CTNNA2: variants seen among roughly 807,000 people sequenced by gnomAD.
CTNNA2 encodes catenin alpha 2, also known as catenin alpha-2.
In CTNNA2, 42 loss-of-function variants were observed where a neutral mutation model predicts 101.0. The observed-to-expected ratio is 0.42, with a 90% confidence interval of 0.32 to 0.54. CTNNA2 has a LOEUF of 0.54. Among genes scored for constraint, CTNNA2 ranks in the 20% least tolerant of loss-of-function variants. The pLI is 0.14. For synonymous variants in CTNNA2, 450 were observed against 456.4 expected, an observed-to-expected ratio of 0.99 and a Z score of 0.18; for missense variants, 871 against 1,223.1, an observed-to-expected ratio of 0.71 and a Z score of 4.29.
chr2:79,677,779 A>T (rs954946880), intron 2 of CTNNA2, among the ~76,000 whole-genome samples: 2 of 152,232 alleles, frequency 1.3e-5, no homozygotes, highest in African/African-American at 4.8e-5. Flanking sequence ...ATGTTAAAGA[A>T]TAAAGTAAGA....
chr2:79,636,601 T>C (rs1680086457), intron 1 of CTNNA2, among the ~76,000 whole-genome samples: 1 of 152,294 alleles, frequency 6.6e-6, no homozygotes, highest in African/African-American at 2.4e-5. Context: ...CCTGGGTATG[T>C]TGAAATGATT....
At chr2:79,474,097 A>G (rs898154211) in intron 4 of CTNNA2, among the ~76,000 whole-genome samples, 1 of 152,200 alleles carries the variant, frequency 6.6e-6, no homozygotes, top group African/African-American at 2.4e-5. Flanking sequence ...AAGCAAAAAA[A>G]GTAGCAACTG....
intron 9 of CTNNA2, among the ~76,000 whole-genome samples, chr2:80,532,297 A>G (rs1203785063): frequency 6.6e-6 from 1 of 152,152 alleles, no homozygotes; most frequent in Non-Finnish European, 1.5e-5. Context: ...TACATTTTAA[A>G]TTGAGTGCCA....
chr2:79,944,795 A>G (rs1386080311), intron 7 of CTNNA2, among the ~76,000 whole-genome samples: 2 of 152,174 alleles, frequency 1.3e-5, no homozygotes, highest in Non-Finnish European at 2.9e-5. Context: ...GAAGGAGAAA[A>G]AGGGCTCACA....
intron 2 of CTNNA2, among the ~76,000 whole-genome samples, chr2:79,221,643 C>T (rs901343589): frequency 5.3e-5 from 8 of 151,714 alleles, no homozygotes; most frequent in Non-Finnish European, 1.5e-5. Context: ...TGTATTGTCT[C>T]CAGTAGCAAA....
intron 7 of CTNNA2, among the ~76,000 whole-genome samples, chr2:79,915,566 T>C (rs905869113): frequency 6.6e-6 from 1 of 152,178 alleles, no homozygotes; most frequent in East Asian, 1.9e-4. Flanking sequence ...TAGGGAAAAC[T>C]TTTCCTGCTG....
At chr2:79,929,729 A>G (rs574150728) in intron 7 of CTNNA2, among the ~76,000 whole-genome samples, 6 of 152,278 alleles carry the variant, frequency 3.9e-5, no homozygotes, top group Admixed American at 1.3e-4. Context: ...GGTCCATTTT[A>G]TACAAGAAGC....
intron 12 of CTNNA2, among the ~76,000 whole-genome samples, chr2:80,564,773 T>A (rs1387169122): frequency 6.6e-6 from 1 of 152,160 alleles, no homozygotes; most frequent in Non-Finnish European, 1.5e-5. Flanking sequence ...TGATGATAGT[T>A]GTCTGGAGAG....
intron 7 of CTNNA2, among the ~76,000 whole-genome samples, chr2:80,363,551 T>C (rs1246715089): frequency 6.6e-6 from 1 of 152,128 alleles, no homozygotes; most frequent in East Asian, 1.9e-4. Flanking sequence ...GAATCATTGG[T>C]GAGGCCCTAA....
chr2:79,232,018 C>A (rs1674499497), intron 2 of CTNNA2, among the ~76,000 whole-genome samples: 1 of 152,106 alleles, frequency 6.6e-6, no homozygotes, highest in African/African-American at 2.4e-5. Context: ...GATAGATTAA[C>A]TTGTTATTCT....
At chr2:80,472,131 A>AAAAG (rs1559137914) in intron 9 of CTNNA2, among the ~76,000 whole-genome samples, 1 of 151,324 alleles carries the variant, frequency 6.6e-6, no homozygotes, top group African/African-American at 2.4e-5. Context: ...AAAAAAAAAA[A>AAAAG]GGTTAGAAAA....
intron 7 of CTNNA2, among the ~76,000 whole-genome samples, chr2:80,011,168 C>T (rs1056380368): frequency 3.3e-5 from 5 of 152,144 alleles, no homozygotes; most frequent in Non-Finnish European, 5.9e-5. Context: ...AACCTAGAGT[C>T]CTTCCAAAAT....
chr2:80,648,026 T>A lies in CTNNA2; in HGVS notation c.*154T>A. 3.1e-6 allele frequency: 2 copies of A among 655,034 alleles called. No individual in the cohort carries two copies. Among genetic ancestry groups the A allele is most frequent in the Non-Finnish European group, 5.1e-6 (2 of 395,358 alleles). The allele number at this position is 655,034 out of a possible 1,614,324, so 40.6% of individuals were successfully genotyped here. A position where few individuals can be genotyped will look rare whatever the true frequency, so the allele number is the denominator to read the frequency against. ...TGTTTGCATGTAAGATGAGATGAGA[T>A]CAATACTACTGATCCATCTGTAGCC... On this transcript the variant is annotated 3_prime_UTR_variant, in exon 19 of 19. Coordinates refer to ENST00000402739, the MANE Select transcript of CTNNA2 (RefSeq NM_001282597.3).
At chr2:79,455,314 G>A (rs1194021066) in intron 4 of CTNNA2, among the ~76,000 whole-genome samples, 2 of 152,126 alleles carry the variant, frequency 1.3e-5, no homozygotes, top group Non-Finnish European at 2.9e-5. Flanking sequence ...TTCACTCTAT[G>A]ACATTGGAGC....
intron 2 of CTNNA2, among the ~76,000 whole-genome samples, chr2:79,306,229 A>T (rs1676240632): frequency 6.6e-6 from 1 of 152,128 alleles, no homozygotes; most frequent in Non-Finnish European, 1.5e-5. Context: ...GGATTGAGGG[A>T]TTCTTGGTCA....
chr2:80,071,212 C>A (rs1206305997), intron 7 of CTNNA2, among the ~76,000 whole-genome samples: 2 of 152,018 alleles, frequency 1.3e-5, no homozygotes, highest in Non-Finnish European at 2.9e-5. Flanking sequence ...GTTATTATAT[C>A]ATAGAAAGAA....
chr2:79,545,174 G>A (rs1673655819), intron 1 of CTNNA2, among the ~76,000 whole-genome samples: 1 of 152,034 alleles, frequency 6.6e-6, no homozygotes, highest in Non-Finnish European at 1.5e-5. Flanking sequence ...TGCAATACAT[G>A]TCCCAGCCTC....
chr2:79,685,947 G>T (rs572522209), intron 2 of CTNNA2, among the ~76,000 whole-genome samples: 9 of 152,154 alleles, frequency 5.9e-5, no homozygotes, highest in African/African-American at 2.2e-4. Flanking sequence ...CCACTGAGGG[G>T]CACATGTGAG....
chr2:80,550,811 A>G (rs1046970559), intron 11 of CTNNA2, among the ~76,000 whole-genome samples: 1 of 151,216 alleles, frequency 6.6e-6, no homozygotes, highest in Non-Finnish European at 1.5e-5. Context: ...GTCGACTATG[A>G]GGGTTGGGAT....
Sources: allele counts gnomAD v4.1 joint callset (sites outside exome capture counted in the v4.1 genomes callset), GRCh38; gene constraint gnomAD v4.1.1; transcripts MANE v1.5; gene names NCBI Gene and HGNC (gene_info 2026-07-23, HGNC 2026-07-21).